Variants in LRRN2 observed in about 807,000 individuals in gnomAD.
LRRN2 encodes leucine rich repeat neuronal 2.
Under a neutral mutation model 35.7 loss-of-function variants are expected in LRRN2, and 10 were observed. The observed-to-expected ratio is 0.28, with a 90% CI of 0.17 to 0.47. The LOEUF (loss-of-function observed/expected upper bound fraction) is 0.47, where lower values mean the gene tolerates loss of function less well. LRRN2 is among the 20% of genes least tolerant of loss of function. The probability of loss-of-function intolerance (pLI) is 0.99; values close to 1 mark genes in which losing one functional copy is unlikely to be tolerated. For synonymous variants in LRRN2, 391 were observed against 409.6 expected, an observed-to-expected ratio of 0.95 and a Z score of 0.55; for missense variants, 731 against 940.3, an observed-to-expected ratio of 0.78 and a Z score of 2.91.
intron 1 of LRRN2, among the ~76,000 whole-genome samples, chr1:204,676,527 T>G (rs189470355): frequency 6.6e-5 from 10 of 152,208 alleles, no homozygotes; most frequent in Non-Finnish European, 1.3e-4. Context: ...CAAGACACCC[T>G]CTGCCAACTG....
At chr1:204,649,305 C>T (rs1427602686) in intron 1 of LRRN2, among the ~76,000 whole-genome samples, 1 of 152,192 alleles carries the variant, frequency 6.6e-6, no homozygotes, top group Non-Finnish European at 1.5e-5. Flanking sequence ...CATTCAGAAA[C>T]CACTAGACTG....
intron 1 of LRRN2, among the ~76,000 whole-genome samples, chr1:204,636,078 C>G (rs1429683808): frequency 1.3e-5 from 2 of 152,192 alleles, no homozygotes; most frequent in Non-Finnish European, 2.9e-5. Flanking sequence ...CCATATGAAT[C>G]CCCTGCTCGC....
chr1:204,632,702 C>T (rs535199501), intron 1 of LRRN2, among the ~76,000 whole-genome samples: 9 of 150,772 alleles, frequency 6.0e-5, no homozygotes, highest in East Asian at 2.0e-4. Context: ...GAGGCCGAGG[C>T]GGGCGGATCA....
intron 1 of LRRN2, among the ~76,000 whole-genome samples, chr1:204,662,352 G>T (rs1360964077): frequency 6.6e-6 from 1 of 152,162 alleles, no homozygotes; most frequent in Non-Finnish European, 1.5e-5. Context: ...CCATATGCCA[G>T]ACCCTTTACA....
intron 1 of LRRN2, among the ~76,000 whole-genome samples, chr1:204,667,447 C>G (rs376631124): frequency 2.0e-5 from 3 of 152,060 alleles, no homozygotes; most frequent in African/African-American, 7.2e-5. Flanking sequence ...GAGGATTCAA[C>G]GAGTTAATAT....
At chr1:204,674,888 G>C (rs1021880287) in intron 1 of LRRN2, among the ~76,000 whole-genome samples, 4 of 152,218 alleles carry the variant, frequency 2.6e-5, no homozygotes, top group African/African-American at 9.7e-5. Flanking sequence ...TGCTCACGTC[G>C]CCTCTGCCCA....
chr1:204,653,180 C>G (rs1668271811), intron 1 of LRRN2, among the ~76,000 whole-genome samples: 1 of 152,150 alleles, frequency 6.6e-6, no homozygotes, highest in African/African-American at 2.4e-5. Context: ...TTTGCACTAG[C>G]CTAATATTAA....
rs752060984 is a variant in LRRN2, at chr1:204,619,125, G to A, written c.868C>T (p.Leu290=). 5.0e-6 allele frequency: 8 copies of A among 1,613,156 alleles called. No homozygotes were observed. The South Asian group carries it at 6.6e-5, about 13-fold the overall frequency. The change falls in exon 2 of 2, where the codon CTG becomes TTG. Residue 290 remains leucine, a synonymous_variant. Coordinates refer to ENST00000367177, the MANE Select transcript of LRRN2 (RefSeq NM_201630.2). The part of the protein sequence containing the change: ...DFANMLHLKE[L]GLNNMEELVS... ...AGCTCCTCCATGTTGTTCAGTCCCA[G>A]CTCCTTAAGGTGCAGCATGTTGGCA... is the stretch of plus-strand genomic sequence containing the variant.
chr1:204,625,832 T>C (rs1314272969), intron 1 of LRRN2, among the ~76,000 whole-genome samples: 3 of 152,254 alleles, frequency 2.0e-5, no homozygotes, highest in Non-Finnish European at 4.4e-5. Context: ...GTTTAACCAG[T>C]GATCTCCAGG....
chr1:204,618,354 T>C lies in LRRN2; in HGVS notation c.1639A>G (p.Thr547Ala). ...HPYHILLSWV[T>A]PPNTVSTNLT... is the part of the protein sequence containing the mutation. ...TTGGTGGACACTGTGTTGGGTGGGG[T>C]GACCCAAGATAGCAGGATGTGATAG... is the stretch of plus-strand genomic sequence containing the variant. Residue 547 changes from threonine (T) to alanine (A), a missense_variant, in exon 2 of 2, where the codon ACC becomes GCC. By Grantham distance (58) the Thr-to-Ala change is moderately conservative (BLOSUM62 0). Transcript: ENST00000367177. 1 of 1,596,968 alleles carries C rather than the reference T, an allele frequency of 6.3e-7. No homozygotes were observed. Among genetic ancestry groups the C allele is most frequent in the African/African-American group, 1.3e-5 (1 of 74,824 alleles).
intron 1 of LRRN2, among the ~76,000 whole-genome samples, chr1:204,650,485 G>A (rs1232470956): frequency 6.6e-6 from 1 of 152,034 alleles, no homozygotes; most frequent in African/African-American, 2.4e-5. Context: ...GTGAGGGTAG[G>A]GGTCCTACTA....
chr1:204,631,061 C>T (rs1352634395), intron 1 of LRRN2, among the ~76,000 whole-genome samples: 1 of 150,894 alleles, frequency 6.6e-6, no homozygotes, highest in Non-Finnish European at 1.5e-5. Flanking sequence ...AGTGCGAGTT[C>T]CTTGGCCCAC....
chr1:204,652,953 C>T (rs868621990), intron 1 of LRRN2, among the ~76,000 whole-genome samples: 5 of 152,196 alleles, frequency 3.3e-5, no homozygotes, highest in Middle Eastern at 3.2e-3. Context: ...GCTACCTTCA[C>T]GTGGGGGTCT....
At chr1:204,660,667 T>C (rs1392207353) in intron 1 of LRRN2, among the ~76,000 whole-genome samples, 3 of 152,018 alleles carry the variant, frequency 2.0e-5, no homozygotes, top group Admixed American at 2.0e-4. Flanking sequence ...AGGTGGTGTT[T>C]CCCATCCTTG....
At chr1:204,670,892 A>G (rs898280922) in intron 1 of LRRN2, among the ~76,000 whole-genome samples, 3 of 152,146 alleles carry the variant, frequency 2.0e-5, no homozygotes, top group African/African-American at 7.2e-5. Context: ...GTTGCAGCCA[A>G]CCCTTTCAGA....
Position 204,618,485 on chromosome 1 carries a change from A to G in LRRN2, c.1508T>C (p.Val503Ala). 6.2e-7 allele frequency: 1 copy of G among 1,614,182 alleles called. No individual in the cohort carries two copies. Among genetic ancestry groups the G allele is most frequent in the East Asian group, 2.2e-5 (1 of 44,882 alleles). Residue 503 changes from valine to alanine, a missense_variant, in exon 2 of 2, where the codon GTG becomes GCG. By Grantham distance (64) the Val-to-Ala change is moderately conservative (BLOSUM62 0). Around this residue, in one of 3 missense-constraint regions of LRRN2, gnomAD observed 256 missense variants for 392.4 expected, o/e 0.65. Coordinates refer to ENST00000367177, the MANE Select transcript of LRRN2 (RefSeq NM_201630.2). ...GLYTCVAQNL[V>A]GADTKTVSVV... ...ACTAACCGTCTTAGTGTCAGCCCCC[A>G]CCAGGTTCTGGGCCACACAGGTGTA...
intron 1 of LRRN2, among the ~76,000 whole-genome samples, chr1:204,624,678 C>T (rs1448748751): frequency 6.6e-6 from 1 of 152,098 alleles, no homozygotes; most frequent in Non-Finnish European, 1.5e-5. Context: ...AGCCCTAGTG[C>T]TCCTGCCTGG....
chr1:204,678,744 A>G (rs542696981), intron 1 of LRRN2, among the ~76,000 whole-genome samples: 10 of 152,134 alleles, frequency 6.6e-5, no homozygotes, highest in African/African-American at 2.2e-4. Context: ...CTCCTCAGAT[A>G]TCACCTTCTC....
chr1:204,680,134 A>ATAT (rs960822433), intron 1 of LRRN2, among the ~76,000 whole-genome samples: 4 of 152,236 alleles, frequency 2.6e-5, no homozygotes, highest in African/African-American at 7.2e-5. Flanking sequence ...GTCCTTGAGC[A>ATAT]AGTCTGAGTC....
Sources: gnomAD v4.1 joint callset for allele counts (sites outside exome capture counted in the v4.1 genomes callset) on GRCh38, gnomAD v4.1.1 for gene constraint, gnomAD v4.1.1 regional missense constraint, MANE v1.5 for transcripts, NCBI Gene and HGNC (gene_info 2026-07-23, HGNC 2026-07-21) for gene names.